The following ZRSR2 variants were observed in gnomAD, a reference collection of about 807,000 sequenced individuals.
The protein encoded by ZRSR2 is zinc finger CCCH-type, RNA binding motif and serine/arginine rich 2.
ZRSR2 carries 3 observed loss-of-function variants against 39.4 expected under a neutral mutation model. The observed-to-expected ratio is 0.08, with a 90% CI of 0.03 to 0.20. ZRSR2 has a LOEUF of 0.20. ZRSR2 is among the 10% of genes least tolerant of loss of function. The pLI is 1.00. For missense variants in ZRSR2, 256 were observed against 391.5 expected, an observed-to-expected ratio of 0.65 and a Z score of 2.92; for synonymous variants, 137 against 136.0, an observed-to-expected ratio of 1.01 and a Z score of -0.05.
intron 2 of ZRSR2, 56 bp downstream of exon 2, chrX:15,791,069 C>G: frequency 1.9e-6 from 2 of 1,068,068 alleles, no homozygotes; most frequent in Non-Finnish European, 1.3e-6. Flanking sequence ...TCCACTCCAG[C>G]CCTAACTTGA....
chrX:15,800,012 C>G, intron 3 of ZRSR2, 59 bp downstream of exon 3: 1 of 834,984 alleles, frequency 1.2e-6, no homozygotes, highest in Non-Finnish European at 1.7e-6. Flanking sequence ...ATATTATCAA[C>G]CTTTACTAAC....
chrX:15,799,202 A>T (rs1420885372), intron 2 of ZRSR2, among the ~76,000 whole-genome samples: 4 of 101,331 alleles, frequency 3.9e-5, no homozygotes, highest in Non-Finnish European at 8.0e-5. Context: ...AAAAAAAAAA[A>T]GTGTCCAGAT....
chrX:15,820,191 G>T lies in ZRSR2; in HGVS notation c.828-16G>T, dbSNP rs1222392289. The stretch of plus-strand genomic sequence containing the variant: ...GAAGTTACTGTAAAGCATATCATTT[G>T]ATTTTTGGTTTAAAGGGAAGAAGAA... On this transcript the variant is annotated splice_polypyrimidine_tract_variant and intron_variant, in intron 9 of 10. Coordinates refer to ENST00000307771, the MANE Select transcript of ZRSR2 (RefSeq NM_005089.4). The T allele has an allele frequency of 1.7e-6, 2 of 1,182,337 alleles. No individual in the cohort carries two copies. Among genetic ancestry groups the T allele is most frequent in the African/African-American group, 1.7e-5 (1 of 57,167 alleles).
Position 15,823,172 on chromosome X carries a change from G to C in ZRSR2, c.1379G>C (p.Arg460Thr), listed in dbSNP as rs150444488. ...CGCAGCCGGAGCCAAAGTTCCTCTA[G>C]GTCCCGAAGTCGTGGCAGGAGGAGG... is the stretch of plus-strand genomic sequence containing the variant. ...SRRSRSQSSS[R>T]SRSRGRRRSG... Residue 460 changes from arginine (R) to threonine (T), a missense_variant, in exon 11 of 11, where the codon AGG becomes ACG. This residue lies in a region of ZRSR2 where 111 missense variants were observed against 116.7 expected (regional missense o/e 0.95). Coordinates refer to ENST00000307771, the MANE Select transcript of ZRSR2 (RefSeq NM_005089.4). The C allele has an allele frequency of 1.1e-4, 128 of 1,200,975 alleles. No homozygotes were observed. In the African/African-American group the frequency reaches 2.0e-3, roughly 19 times the overall value.
intron 2 of ZRSR2, 22 bp from the exon 3 acceptor site, chrX:15,799,850 A>G (rs747539831): frequency 2.7e-6 from 3 of 1,122,618 alleles, no homozygotes; most frequent in Admixed American, 4.7e-5. Context: ...ACTCAGTTTA[A>G]TAAAACATTT....
chrX:15,804,844 A>G (rs183327157), intron 5 of ZRSR2, among the ~76,000 whole-genome samples: 73 of 103,551 alleles, frequency 7.0e-4, no homozygotes, highest in African/African-American at 2.6e-3. Context: ...TTAGGCTATG[A>G]AGATAATTGT....
At chrX:15,793,766 G>A (rs1016006532) in intron 2 of ZRSR2, among the ~76,000 whole-genome samples, 26 of 112,297 alleles carry the variant, frequency 2.3e-4, no homozygotes, top group African/African-American at 8.1e-4. Flanking sequence ...TCAAACTCCT[G>A]ATCTCAGGTG....
At position 15,803,581 on chromosome X, in the gene ZRSR2, C is replaced by T. The variant is rs772178085; in HGVS notation, c.204-107C>T. ...GACTGCTTTAATAGAAAATAGCTTT[C>T]GTGATATTTGAATCAGTCCCAAAAT... On this transcript the variant is annotated intron_variant, in intron 3 of 10. Transcript: ENST00000307771. 15 of 985,570 alleles carry T rather than the reference C, an allele frequency of 1.5e-5. No individual in the cohort carries two copies. The South Asian group carries it at 1.6e-4, about 10-fold the overall frequency. 81.2% of individuals were successfully genotyped at this position (985,570 alleles called of 1,213,427 possible). A position where few individuals can be genotyped will look rare whatever the true frequency, so the allele number is the denominator to read the frequency against.
chrX:15,807,471 G>C (rs1266266765), intron 5 of ZRSR2, among the ~76,000 whole-genome samples: 2 of 108,090 alleles, frequency 1.9e-5, no homozygotes, highest in Non-Finnish European at 3.8e-5. Context: ...TGTATTTTTA[G>C]TAGTGACGGG....
At chrX:15,817,201 G>A (rs1456454804) in intron 8 of ZRSR2, among the ~76,000 whole-genome samples, 2 of 111,779 alleles carry the variant, frequency 1.8e-5, no homozygotes, top group African/African-American at 6.5e-5. Context: ...ACTTGCAACA[G>A]GCTGCACCCA....
chrX:15,804,228 T>TG (rs760182684), intron 5 of ZRSR2, 31 bp downstream of exon 5: 1 of 1,151,568 alleles, frequency 8.7e-7, no homozygotes, highest in Non-Finnish European at 1.1e-6. Context: ...TGCTGTGTGA[T>TG]GAGTTTGAAG....
At chrX:15,812,263 A>C (rs1235335292) in intron 7 of ZRSR2, among the ~76,000 whole-genome samples, 1 of 112,562 alleles carries the variant, frequency 8.9e-6, no homozygotes, top group East Asian at 2.8e-4. Flanking sequence ...AGGCATATGA[A>C]ATTTTACCAT....
In ZRSR2 at chrX:15,809,237, C is replaced by T; in HGVS notation, c.476C>T (p.Pro159Leu). ...NGTTWQNPEP[P>L]VDFRVMEKDR... Reference sequence around the variant, plus strand: ...ACCACATGGCAAAACCCAGAACCACCCGTGGATTTCAGAGTAATGGAGAAG... The same window carrying T: ...ACCACATGGCAAAACCCAGAACCACTCGTGGATTTCAGAGTAATGGAGAAG... The change falls in exon 7 of 11, where the codon CCC becomes CTC. Residue 159 changes from proline (P) to leucine (L), a missense_variant. Coordinates refer to ENST00000307771, the MANE Select transcript of ZRSR2 (RefSeq NM_005089.4). 3 of 1,210,549 alleles carry T rather than the reference C, an allele frequency of 2.5e-6. No individual in the cohort carries two copies. The highest frequency in any genetic ancestry group is 3.4e-6 in the Non-Finnish European group (3 of 894,407).
intron 10 of ZRSR2, 35 bp from the exon 11 acceptor site, chrX:15,822,696 G>A (rs1350734156): frequency 1.7e-6 from 2 of 1,211,506 alleles, no homozygotes; most frequent in African/African-American, 1.7e-5. Context: ...AGAATATGCA[G>A]TGATAAGTGC....
chrX:15,805,056 T>C (rs1396933391), intron 5 of ZRSR2, among the ~76,000 whole-genome samples: 1 of 112,030 alleles, frequency 8.9e-6, no homozygotes, highest in Non-Finnish European at 1.9e-5. Flanking sequence ...TTTTTTGTAA[T>C]ACAGCTAAAT....
chrX:15,797,344 G>A (rs886639576), intron 2 of ZRSR2, among the ~76,000 whole-genome samples: 4 of 107,576 alleles, frequency 3.7e-5, no homozygotes, highest in African/African-American at 1.0e-4. Flanking sequence ...CCGAGTAGCT[G>A]GGATTACGGG....
chrX:15,791,356 G>C (rs1932270552), intron 2 of ZRSR2, among the ~76,000 whole-genome samples: 1 of 112,333 alleles, frequency 8.9e-6, no homozygotes, highest in African/African-American at 3.2e-5. Flanking sequence ...ACCAGCAGGA[G>C]TTGAAGGTAT....
chrX:15,795,134 G>T (rs1450097823), intron 2 of ZRSR2, among the ~76,000 whole-genome samples: 1 of 91,108 alleles, frequency 1.1e-5, no homozygotes, highest in Non-Finnish European at 2.0e-5. Context: ...TCCTTGATTG[G>T]CTCTGTCTTA....
rs780191286 is a variant in ZRSR2, at chrX:15,823,200, G to A, written c.1407G>A (p.Ser469=). 2.4e-5 allele frequency: 29 copies of A among 1,189,560 alleles called. No homozygotes were observed. The highest frequency in any genetic ancestry group is 2.4e-4 in the East Asian group (8 of 33,615). ...CCCGAAGTCGTGGCAGGAGGAGGTC[G>A]GGTAATAGAGACAGAACTGTTCAGA... ...SRSRSRGRRR[S]GNRDRTVQSP... Residue 469 remains serine (S), a synonymous_variant, in exon 11 of 11, where the codon TCG becomes TCA. Coordinates refer to ENST00000307771, the MANE Select transcript of ZRSR2 (RefSeq NM_005089.4).
Sources: gnomAD v4.1 joint callset for allele counts (sites outside exome capture counted in the v4.1 genomes callset) on GRCh38, gnomAD v4.1.1 for gene constraint, gnomAD v4.1.1 regional missense constraint, MANE v1.5 for transcripts, NCBI Gene and HGNC (gene_info 2026-07-23, HGNC 2026-07-21) for gene names.